The following ONECUT2 variants were observed in gnomAD, a reference collection of about 807,000 sequenced individuals.
The protein encoded by ONECUT2 is one cut homeobox 2, also known as one cut domain family member 2.
A neutral mutation model predicts 27.9 loss-of-function variants in ONECUT2; 10 were observed. The ratio of observed to expected loss-of-function variants is 0.36; its 90% CI spans 0.22 to 0.61. The LOEUF (loss-of-function observed/expected upper bound fraction) is 0.61, where lower values mean the gene tolerates loss of function less well. Among genes scored for constraint, ONECUT2 ranks in the 20% least tolerant of loss-of-function variants. The pLI, the probability that ONECUT2 is intolerant of heterozygous loss-of-function variation, is 0.73. For missense variants in ONECUT2, 686 were observed against 721.0 expected (o/e 0.95, Z 0.56); for synonymous variants, 334 against 315.1 (o/e 1.06, Z -0.64).
chr18:57,468,011 G>T (rs2050333555), intron 1 of ONECUT2, among the ~76,000 whole-genome samples: 1 of 152,214 alleles, frequency 6.6e-6, no homozygotes, highest in African/African-American at 2.4e-5. Context: ...TAGCCCATAG[G>T]TGGTTCACGC....
intron 1 of ONECUT2, among the ~76,000 whole-genome samples, chr18:57,457,607 C>G (rs568335955): frequency 1.4e-4 from 22 of 152,290 alleles, no homozygotes; most frequent in African/African-American, 5.1e-4. Context: ...TAGTGGGATA[C>G]TGCCTGTGAA....
chr18:57,472,265 C>T (rs1180221784), intron 1 of ONECUT2, among the ~76,000 whole-genome samples: 2 of 152,146 alleles, frequency 1.3e-5, no homozygotes, highest in East Asian at 1.9e-4. Context: ...GCACCAAAGC[C>T]GTTTGCACTC....
rs1377902096 is a variant in ONECUT2, at chr18:57,479,307, A to C, written c.*2584A>C. The stretch of plus-strand genomic sequence containing the variant: ...CTACTTTTCTATTAGCTTTTTAAAA[A>C]TCAGCTGTAAAGTTGCATTTCTAAA... On this transcript the variant is annotated 3_prime_UTR_variant, in exon 2 of 2. Coordinates refer to ENST00000491143, the MANE Select transcript of ONECUT2 (RefSeq NM_004852.3). 6.6e-6 allele frequency: 1 copy of C among 152,502 alleles called. No individual in the cohort carries two copies. The highest frequency in any genetic ancestry group is 1.5e-5 in the Non-Finnish European group (1 of 68,044). The allele number at this position is 152,502 out of a possible 1,614,324, so 9.4% of individuals were successfully genotyped here. A position where few individuals can be genotyped will look rare whatever the true frequency, so the allele number is the denominator to read the frequency against.
chr18:57,453,555 C>T (rs184453583), intron 1 of ONECUT2, among the ~76,000 whole-genome samples: 1 of 536 alleles, frequency 1.9e-3, no homozygotes, highest in Admixed American at 0.036. Context: ...CTCACAGTTC[C>T]CCTGAATGTG....
chr18:57,476,871 C>T lies in ONECUT2; in HGVS notation c.*148C>T. On this transcript the variant is annotated 3_prime_UTR_variant, in exon 2 of 2. Transcript: ENST00000491143. ...ATTCTCTTGCAAAGAAACTTATATT[C>T]TAGCTGTAATCATAGGCCAGGTGTT... 1 of 906,252 alleles carries T rather than the reference C, an allele frequency of 1.1e-6. No individual in the cohort carries two copies. The allele number at this position is 906,252 out of a possible 1,614,324, so 56.1% of individuals were successfully genotyped here. A position where few individuals can be genotyped will look rare whatever the true frequency, so the allele number is the denominator to read the frequency against.
At chr18:57,447,533 C>G (rs750774031) in intron 1 of ONECUT2, among the ~76,000 whole-genome samples, 1 of 152,200 alleles carries the variant, frequency 6.6e-6, no homozygotes, top group Non-Finnish European at 1.5e-5. Flanking sequence ...GACTTTCCCT[C>G]TGAAGAGGAA....
intron 1 of ONECUT2, among the ~76,000 whole-genome samples, chr18:57,446,996 A>G (rs1228175429): frequency 5.3e-5 from 8 of 152,244 alleles, no homozygotes; most frequent in Admixed American, 3.9e-4. Context: ...AGGATGGGAG[A>G]GAATTAGCAT....
At chr18:57,467,343 TG>T (rs201820657) in intron 1 of ONECUT2, 73 of 281,364 alleles carry the variant, frequency 2.6e-4, no homozygotes, top group Admixed American at 4.8e-4. Context: ...ACATTTCCTT[TG>T]GTTTTTTTTT....
In ONECUT2 at chr18:57,435,830, C is replaced by T. The variant is rs769522402; in HGVS notation, c.114C>T (p.Gly38=). ...SLGTLHGPAG[G]GSGGGGGGGG... The stretch of plus-strand genomic sequence containing the variant: ...GCACTTTGCACGGGCCGGCCGGCGG[C>T]GGCAGTGGCGGGGGCGGCGGCGGGG... The change falls in exon 1 of 2, where the codon GGC becomes GGT. Residue 38 remains glycine, a synonymous_variant. Transcript: ENST00000491143. The T allele has an allele frequency of 9.2e-7, 1 of 1,083,550 alleles. No homozygotes were observed. Among genetic ancestry groups the T allele is most frequent in the Non-Finnish European group, 1.1e-6 (1 of 876,802 alleles). The allele number at this position is 1,083,550 out of a possible 1,614,324, so 67.1% of individuals were successfully genotyped here.
chr18:57,481,060 T>C lies in ONECUT2; in HGVS notation c.*4337T>C, dbSNP rs1006273894. ...AATTTACTTTATTCCTTTACACAAA[T>C]AGGCTTGCATTGTTTTTGTTTTAAT... On this transcript the variant is annotated 3_prime_UTR_variant, in exon 2 of 2. Transcript: ENST00000491143. 2 of 152,162 alleles carry C rather than the reference T, an allele frequency of 1.3e-5. No individual in the cohort carries two copies. The highest frequency in any genetic ancestry group is 4.8e-5 in the African/African-American group (2 of 41,446). The allele number at this position is 152,162 out of a possible 1,614,324, so 9.4% of individuals were successfully genotyped here. A position where few individuals can be genotyped will look rare whatever the true frequency, so the allele number is the denominator to read the frequency against.
chr18:57,443,018 T>C (rs1473721524), intron 1 of ONECUT2, among the ~76,000 whole-genome samples: 1 of 152,168 alleles, frequency 6.6e-6, no homozygotes. Flanking sequence ...TTTTCTGGCC[T>C]TTAGACACTT....
chr18:57,438,907 G>T (rs529480918), intron 1 of ONECUT2, among the ~76,000 whole-genome samples: 1 of 152,192 alleles, frequency 6.6e-6, no homozygotes, highest in South Asian at 2.1e-4. Flanking sequence ...TTTTGTCATA[G>T]ATCCCCCCGA....
intron 1 of ONECUT2, chr18:57,467,014 C>A: frequency 2.7e-6 from 1 of 365,872 alleles, no homozygotes; most frequent in South Asian, 2.1e-5. Flanking sequence ...GATCTGCCCA[C>A]CAGGGGCACT....
chr18:57,477,105 G>A lies in ONECUT2; in HGVS notation c.*382G>A. The A allele has an allele frequency of 4.3e-6, 1 of 231,518 alleles. No homozygotes were observed. Among genetic ancestry groups the A allele is most frequent in the South Asian group, 7.2e-5 (1 of 13,890 alleles). The allele number at this position is 231,518 out of a possible 1,614,324, so 14.3% of individuals were successfully genotyped here. ...CTTCAGGTCCTGTCAGCTTCTTGCA[G>A]TCAGAGTTCCTATGAGTAACAATAG... On this transcript the variant is annotated 3_prime_UTR_variant, in exon 2 of 2. Coordinates refer to ENST00000491143, the MANE Select transcript of ONECUT2 (RefSeq NM_004852.3).
Position 57,489,220 on chromosome 18 carries a change from G to A in ONECUT2, c.*12497G>A, listed in dbSNP as rs1329831304. The A allele has an allele frequency of 6.6e-6, 1 of 152,188 alleles. No homozygotes were observed. The highest frequency in any genetic ancestry group is 1.5e-5 in the Non-Finnish European group (1 of 68,054). The allele number at this position is 152,188 out of a possible 1,614,324, so 9.4% of individuals were successfully genotyped here. A position where few individuals can be genotyped will look rare whatever the true frequency, so the allele number is the denominator to read the frequency against. ...CCCACCATCCTCTGCATCCTGTTTA[G>A]CTATCCCATCTATACCTTTTGGAGA... On this transcript the variant is annotated 3_prime_UTR_variant, in exon 2 of 2. Coordinates refer to ENST00000491143, the MANE Select transcript of ONECUT2 (RefSeq NM_004852.3).
intron 1 of ONECUT2, among the ~76,000 whole-genome samples, chr18:57,457,099 G>A (rs984376085): frequency 2.6e-5 from 4 of 152,114 alleles, no homozygotes; most frequent in East Asian, 1.9e-4. Flanking sequence ...TTAAATTTCC[G>A]AGGAACTGCC....
intron 1 of ONECUT2, among the ~76,000 whole-genome samples, chr18:57,442,322 G>C (rs1037030779): frequency 1.3e-5 from 2 of 149,854 alleles, no homozygotes; most frequent in African/African-American, 5.0e-5. Context: ...GGTATCAATC[G>C]GGAGGGAAAG....
intron 1 of ONECUT2, among the ~76,000 whole-genome samples, chr18:57,442,756 G>A (rs944134975): frequency 1.3e-5 from 2 of 152,134 alleles, no homozygotes; most frequent in Admixed American, 1.3e-4. Flanking sequence ...CAGGATTCCT[G>A]GTGAATGGTG....
chr18:57,457,029 C>G (rs148458446), intron 1 of ONECUT2, among the ~76,000 whole-genome samples: 1 of 152,236 alleles, frequency 6.6e-6, no homozygotes, highest in East Asian at 1.9e-4. Flanking sequence ...ATGTTGCTTT[C>G]AGTTCTTTTG....
Sources: gnomAD v4.1 joint callset for allele counts (sites outside exome capture counted in the v4.1 genomes callset) on GRCh38, gnomAD v4.1.1 for gene constraint, MANE v1.5 for transcripts, NCBI Gene and HGNC (gene_info 2026-07-23, HGNC 2026-07-21) for gene names.